The following MINDY4 variants were observed in gnomAD, a reference collection of about 807,000 sequenced individuals.
MINDY4 encodes MINDY lysine 48 deubiquitinase 4, also known as probable ubiquitin carboxyl-terminal hydrolase MINDY-4.
MINDY4 carries 68 observed loss-of-function variants against 87.0 expected under a neutral mutation model. That is an observed-to-expected ratio of 0.78 (90% CI 0.64 to 0.96). The LOEUF (loss-of-function observed/expected upper bound fraction) is 0.96, where lower values mean the gene tolerates loss of function less well. MINDY4 is among the 40% of genes least tolerant of loss of function. The pLI is 0.00. For synonymous variants in MINDY4, 379 were observed against 363.2 expected, an observed-to-expected ratio of 1.04 and a Z score of -0.50; for missense variants, 919 against 928.2, an observed-to-expected ratio of 0.99 and a Z score of 0.13.
chr7:30,861,663 AGCTGTGCTTAGCACAGCTCCT>A (rs1434087025), intron 13 of MINDY4, among the ~76,000 whole-genome samples: 1 of 152,258 alleles, frequency 6.6e-6, no homozygotes, highest in Non-Finnish European at 1.5e-5. Flanking sequence ...CATAAGATGT[AGCTGTGCTTAGCACAGCTCCT>A]GGTGGGTACA....
chr7:30,778,271 G>C (rs1786888293), intron 1 of MINDY4, among the ~76,000 whole-genome samples, 161 bp from the exon 2 acceptor site: 1 of 152,184 alleles, frequency 6.6e-6, no homozygotes, highest in Non-Finnish European at 1.5e-5. Context: ...TGGGGCTGTT[G>C]TAAGAATCAG....
intron 6 of MINDY4, among the ~76,000 whole-genome samples, chr7:30,832,657 G>T (rs988283684): frequency 3.3e-5 from 5 of 152,080 alleles, no homozygotes; most frequent in Admixed American, 1.3e-4. Context: ...TTACAGGCCC[G>T]TGCCACCACA....
At chr7:30,814,258 A>G (rs985668901) in intron 5 of MINDY4, among the ~76,000 whole-genome samples, 5 of 152,220 alleles carry the variant, frequency 3.3e-5, no homozygotes, top group African/African-American at 4.8e-5. Flanking sequence ...CTTAAGCTTC[A>G]TTAGCTTCAT....
At position 30,882,180 on chromosome 7, in the gene MINDY4, G is replaced by A. The variant is rs781704238; in HGVS notation, c.1972-1G>A. On this transcript the variant is annotated splice_acceptor_variant, in intron 15 of 17. Transcript: ENST00000265299. LOFTEE classifies it high-confidence loss of function. ...TCACATCAGGCCTCTCCCTCATCCA[G>A]GTTGGCTGCTTCCTGAAGACCCCGA... is the stretch of plus-strand genomic sequence containing the variant. 1.2e-6 allele frequency: 2 copies of A among 1,604,592 alleles called. No individual in the cohort carries two copies. Among genetic ancestry groups the A allele is most frequent in the Non-Finnish European group, 1.7e-6 (2 of 1,173,062 alleles).
intron 10 of MINDY4, among the ~76,000 whole-genome samples, chr7:30,850,955 C>T (rs1442101979): frequency 6.6e-6 from 1 of 152,204 alleles, no homozygotes; most frequent in Non-Finnish European, 1.5e-5. Context: ...ACTGCTCTTC[C>T]CAGTCCCCAA....
chr7:30,803,467 G>C (rs1040134998), intron 5 of MINDY4: 2 of 152,244 alleles, frequency 1.3e-5, no homozygotes, highest in African/African-American at 4.8e-5. Context: ...AGGCAGATCT[G>C]TTTCAGGGTC....
chr7:30,833,865 G>T (rs141141905), intron 6 of MINDY4, among the ~76,000 whole-genome samples: 1,699 of 152,342 alleles, frequency 0.011, 32 homozygotes, highest in African/African-American at 0.039. Context: ...AAATCTTAAA[G>T]CTCCAAAGTG....
At chr7:30,850,658 C>G in intron 10 of MINDY4, 103 bp downstream of exon 10, 1 of 1,010,120 alleles carries the variant, frequency 9.9e-7, no homozygotes, top group Non-Finnish European at 1.5e-6. Context: ...CCGTTACCCA[C>G]CCTGTGCCAC....
At chr7:30,836,299 C>T (rs1222476782) in intron 6 of MINDY4, among the ~76,000 whole-genome samples, 1 of 152,194 alleles carries the variant, frequency 6.6e-6, no homozygotes, top group Non-Finnish European at 1.5e-5. Context: ...AGAAATGTGT[C>T]TGAGCTAGGC....
At chr7:30,865,216 G>A (rs1437569336) in intron 13 of MINDY4, among the ~76,000 whole-genome samples, 1 of 152,224 alleles carries the variant, frequency 6.6e-6, no homozygotes, top group Non-Finnish European at 1.5e-5. Context: ...CAGGTCACAT[G>A]TGAGGCAGGG....
At chr7:30,775,940 G>A (rs1374387354) in intron 1 of MINDY4, among the ~76,000 whole-genome samples, 3 of 152,160 alleles carry the variant, frequency 2.0e-5, no homozygotes, top group African/African-American at 7.2e-5. Flanking sequence ...TTCTTGGCTT[G>A]TTCCTTTCTT....
At chr7:30,814,166 G>A (rs1788084656) in intron 5 of MINDY4, among the ~76,000 whole-genome samples, 1 of 152,164 alleles carries the variant, frequency 6.6e-6, no homozygotes, top group African/African-American at 2.4e-5. Flanking sequence ...GAATATGAAA[G>A]TATTTAATTT....
intron 12 of MINDY4, chr7:30,858,818 T>C (rs556534901): frequency 3.5e-5 from 13 of 366,978 alleles, no homozygotes; most frequent in Non-Finnish European, 7.0e-5. Context: ...CCCAGTGTGC[T>C]GCTGACAAGC....
intron 17 of MINDY4, among the ~76,000 whole-genome samples, chr7:30,884,694 T>G (rs1048262954): frequency 3.3e-5 from 5 of 152,230 alleles, no homozygotes; most frequent in Admixed American, 6.5e-5. Flanking sequence ...CCACTGCCTC[T>G]TCTGGAGTAA....
intron 13 of MINDY4, among the ~76,000 whole-genome samples, chr7:30,869,871 G>A (rs1790049144): frequency 6.6e-6 from 1 of 152,162 alleles, no homozygotes; most frequent in African/African-American, 2.4e-5. Flanking sequence ...TAAGCCATAT[G>A]GATTGCCTTC....
chr7:30,791,709 C>T, intron 5 of MINDY4, 135 bp downstream of exon 5: 1 of 968,484 alleles, frequency 1.0e-6, no homozygotes, highest in Non-Finnish European at 1.5e-6. Flanking sequence ...AAGTAACCGG[C>T]AAGGTAGAGT....
At chr7:30,878,325 C>T (rs1355682259) in intron 15 of MINDY4, among the ~76,000 whole-genome samples, 1 of 152,146 alleles carries the variant, frequency 6.6e-6, no homozygotes, top group African/African-American at 2.4e-5. Flanking sequence ...GGAGGTCCTA[C>T]CTAAAAGTGA....
At chr7:30,880,410 C>T (rs964354042) in intron 15 of MINDY4, among the ~76,000 whole-genome samples, 7 of 151,602 alleles carry the variant, frequency 4.6e-5, no homozygotes, top group African/African-American at 7.3e-5. Context: ...GAAAGAGGCT[C>T]CTGAATGAGG....
chr7:30,881,337 C>T (rs1021934960), intron 15 of MINDY4, among the ~76,000 whole-genome samples: 2 of 152,218 alleles, frequency 1.3e-5, no homozygotes, highest in African/African-American at 4.8e-5. Flanking sequence ...TCTTCTTCCA[C>T]AAACACTTCC....
Sources: gnomAD v4.1 joint callset for allele counts (sites outside exome capture counted in the v4.1 genomes callset) on GRCh38, gnomAD v4.1.1 for gene constraint, MANE v1.5 for transcripts, NCBI Gene and HGNC (gene_info 2026-07-23, HGNC 2026-07-21) for gene names.